RYR3: variants seen among roughly 807,000 people sequenced by gnomAD.
RYR3 encodes the protein ryanodine receptor 3.
Under a neutral mutation model 584.3 loss-of-function variants are expected in RYR3, and 207 were observed. The ratio of observed to expected loss-of-function variants is 0.35; its 90% confidence interval spans 0.32 to 0.40. RYR3 has a LOEUF of 0.40. Among genes scored for constraint, RYR3 ranks in the 10% least tolerant of loss-of-function variants. RYR3 has a pLI of 1.00. For missense variants in RYR3, 5,616 were observed against 6,089.2 expected (o/e 0.92, Z 2.59); for synonymous variants, 2,416 against 2,248.5 (o/e 1.07, Z -2.11).
At chr15:33,719,164 G>A (rs554966072) in intron 43 of RYR3, among the ~76,000 whole-genome samples, 17 of 152,160 alleles carry the variant, frequency 1.1e-4, no homozygotes, top group Non-Finnish European at 2.4e-4. Context: ...CAGCTCCTTC[G>A]TCTTAGAGCG....
At chr15:33,572,211 T>G (rs2152499369) in intron 12 of RYR3, among the ~76,000 whole-genome samples, 1 of 152,328 alleles carries the variant, frequency 6.6e-6, no homozygotes, top group South Asian at 2.1e-4. Flanking sequence ...AAAAGAAAGA[T>G]ACATGTTTTT....
At position 33,660,278 on chromosome 15, in the gene RYR3, C is replaced by G. The variant is rs2063079858; in HGVS notation, c.4477C>G (p.Gln1493Glu). ...ACAGTGTCCACCTCGGCTGGACGTC[C>G]AAACCATCCAGCCCGTGCTCTGGAG... The part of the protein sequence containing the change: ...VPQCPPRLDV[Q>E]TIQPVLWSRM... Residue 1493 changes from glutamine to glutamate, a missense_variant, in exon 34 of 104, where the codon CAA (glutamine) becomes GAA (glutamate). Transcript: ENST00000634891. 6.4e-7 allele frequency: 1 copy of G among 1,560,390 alleles called. No individual in the cohort carries two copies. The highest frequency in any genetic ancestry group is 1.4e-5 in the African/African-American group (1 of 73,480).
At chr15:33,606,980 A>G (rs2059939573) in intron 18 of RYR3, among the ~76,000 whole-genome samples, 1 of 152,184 alleles carries the variant, frequency 6.6e-6, no homozygotes, top group Non-Finnish European at 1.5e-5. Context: ...TCAGATCTGC[A>G]CAAGGGGACT....
chr15:33,483,713 C>T (rs1168313477), intron 2 of RYR3, among the ~76,000 whole-genome samples: 1 of 152,174 alleles, frequency 6.6e-6, no homozygotes, highest in Non-Finnish European at 1.5e-5. Flanking sequence ...TCTAGCAATG[C>T]TGTCTTATAT....
intron 1 of RYR3, among the ~76,000 whole-genome samples, chr15:33,317,635 A>T (rs184317246): frequency 1.8e-3 from 280 of 152,262 alleles, no homozygotes; most frequent in Non-Finnish European, 3.2e-3. Flanking sequence ...GCCTCTTGAG[A>T]TGCCAAGATT....
At chr15:33,474,284 C>T (rs747323153) in intron 2 of RYR3, among the ~76,000 whole-genome samples, 3 of 151,992 alleles carry the variant, frequency 2.0e-5, no homozygotes, top group Non-Finnish European at 4.4e-5. Flanking sequence ...TGAGTGAGTG[C>T]GTGAGTGGGT....
chr15:33,724,283 C>T (rs1483482564), intron 45 of RYR3, 107 bp downstream of exon 45: 2 of 659,250 alleles, frequency 3.0e-6, no homozygotes, highest in African/African-American at 1.8e-5. Context: ...TGCTAACATG[C>T]CTTTTTCTAG....
intron 1 of RYR3, among the ~76,000 whole-genome samples, chr15:33,386,939 G>A (rs1339672576): frequency 2.6e-5 from 4 of 151,888 alleles, no homozygotes; most frequent in Non-Finnish European, 5.9e-5. Context: ...CTCACTGCAA[G>A]CTCCGCCTCC....
intron 2 of RYR3, among the ~76,000 whole-genome samples, chr15:33,492,791 C>T (rs953519181): frequency 1.3e-5 from 2 of 152,058 alleles, no homozygotes; most frequent in Non-Finnish European, 2.9e-5. Context: ...GTCTGTCAGC[C>T]TTCAGTTCCA....
At chr15:33,585,834 C>G (rs527421926) in intron 15 of RYR3, among the ~76,000 whole-genome samples, 164 bp from the exon 16 acceptor site, 1 of 152,228 alleles carries the variant, frequency 6.6e-6, no homozygotes, top group South Asian at 2.1e-4. Context: ...TGAAGTCTAC[C>G]GGAAATGATG....
chr15:33,670,285 A>G (rs891641426), intron 37 of RYR3, 134 bp from the exon 38 acceptor site: 3 of 862,794 alleles, frequency 3.5e-6, no homozygotes, highest in Non-Finnish European at 5.6e-6. Context: ...TCACGAGAAT[A>G]GTATCTTTAG....
At position 33,562,891 on chromosome 15, in the gene RYR3, G is replaced by T; in HGVS notation, c.1027G>T (p.Val343Phe). 1 of 1,613,398 alleles carries T rather than the reference G, an allele frequency of 6.2e-7. No individual in the cohort carries two copies. Among genetic ancestry groups the T allele is most frequent in the Non-Finnish European group, 8.5e-7 (1 of 1,179,370 alleles). Residue 343 changes from valine to phenylalanine, a missense_variant, in exon 11 of 104, where the codon GTT (valine) becomes TTT (phenylalanine). Around this residue, in one of 9 missense-constraint regions of RYR3, gnomAD observed 1,284 missense variants for 1,344.6 expected, o/e 0.95. Coordinates refer to ENST00000634891, the MANE Select transcript of RYR3 (RefSeq NM_001036.6). ...CAAGCGAGACATAGAAGGCATGGGA[G>T]TTCCAGAAATCAAGTATGGAGATTC... is the stretch of plus-strand genomic sequence containing the variant. ...SHKRDIEGMGVPEIKYGDSVC... is the reference protein window; with the variant it reads ...SHKRDIEGMGFPEIKYGDSVC...
intron 43 of RYR3, 92 bp from the exon 44 acceptor site, chr15:33,722,623 A>G (rs1293950003): frequency 7.8e-7 from 1 of 1,287,394 alleles, no homozygotes; most frequent in African/African-American, 1.5e-5. Flanking sequence ...TGATAAGCTG[A>G]ACAAAATACT....
chr15:33,821,722 A>C, intron 80 of RYR3, 120 bp downstream of exon 80: 57 of 904,922 alleles, frequency 6.3e-5, no homozygotes, highest in Non-Finnish European at 9.1e-5. Context: ...CACTTAGCTC[A>C]CGTTTGTCCT....
chr15:33,473,195 C>T lies in RYR3; in HGVS notation c.52-224C>T, dbSNP rs116730261. The T allele has an allele frequency of 1.7e-3, 1,120 of 664,748 alleles. 10 individuals carry two copies. In the African/African-American group the frequency reaches 0.017, roughly 10 times the overall value. 41.2% of individuals were successfully genotyped at this position (664,748 alleles called of 1,614,324 possible). A position where few individuals can be genotyped will look rare whatever the true frequency, so the allele number is the denominator to read the frequency against. On this transcript the variant is annotated intron_variant, in intron 1 of 103. Coordinates refer to ENST00000634891, the MANE Select transcript of RYR3 (RefSeq NM_001036.6). ...CCTTGGCTGTATGTGTACTTGCCCC[C>T]ACTGACCTCACTCCAGGATTAAGTA...
chr15:33,547,572 A>G (rs2056342321), intron 8 of RYR3, among the ~76,000 whole-genome samples: 1 of 152,164 alleles, frequency 6.6e-6, no homozygotes, highest in African/African-American at 2.4e-5. Context: ...TTTTATTTCA[A>G]AACACATTAA....
chr15:33,853,829 C>A, intron 96 of RYR3, 147 bp downstream of exon 96: 1 of 979,494 alleles, frequency 1.0e-6, no homozygotes, highest in Non-Finnish European at 1.5e-6. Context: ...ACTGGGAGAG[C>A]ACTGCCTTAA....
At chr15:33,719,788 G>A (rs1939053266) in intron 43 of RYR3, among the ~76,000 whole-genome samples, 1 of 152,170 alleles carries the variant, frequency 6.6e-6, no homozygotes, top group South Asian at 2.1e-4. Flanking sequence ...TCAACTGATA[G>A]GAGAGCATGG....
chr15:33,629,864 A>G, intron 21 of RYR3, 76 bp from the exon 22 acceptor site: 1 of 746,650 alleles, frequency 1.3e-6, no homozygotes, highest in Non-Finnish European at 2.2e-6. Flanking sequence ...GTTTCAAAGT[A>G]TGTTCTGTTC....
Sources: gnomAD v4.1 joint callset for allele counts (sites outside exome capture counted in the v4.1 genomes callset) on GRCh38, gnomAD v4.1.1 for gene constraint, gnomAD v4.1.1 regional missense constraint, MANE v1.5 for transcripts, NCBI Gene and HGNC (gene_info 2026-07-23, HGNC 2026-07-21) for gene names.